Variants in OGN observed in about 807,000 individuals in gnomAD.
OGN encodes the protein osteoglycin.
In OGN, 19 loss-of-function variants were observed where a neutral mutation model predicts 30.8. That is an observed-to-expected ratio of 0.62 (90% CI 0.43 to 0.90). The LOEUF (loss-of-function observed/expected upper bound fraction) is 0.90, where lower values mean the gene tolerates loss of function less well. Among genes scored for constraint, OGN ranks in the 40% least tolerant of loss-of-function variants. OGN has a pLI of 0.00. For synonymous variants in OGN, 126 were observed against 128.3 expected (o/e 0.98, Z 0.12); for missense variants, 283 against 349.7 (o/e 0.81, Z 1.52).
chr9:92,391,825 A>G (rs776512645), intron 4 of OGN, among the ~76,000 whole-genome samples: 7 of 152,206 alleles, frequency 4.6e-5, no homozygotes, highest in Non-Finnish European at 8.8e-5. Context: ...GAGAAAGCCC[A>G]TGAAAGCACA....
chr9:92,394,903 G>A lies in OGN; in HGVS notation c.269-1659C>T, dbSNP rs530289174. Among the ~76,000 whole-genome samples, 14 of 151,926 alleles carry A rather than the reference G, an allele frequency of 9.2e-5. No individual in the cohort carries two copies. In the South Asian group the frequency reaches 1.2e-3, roughly 14 times the overall value. The stretch of plus-strand genomic sequence containing the variant: ...ATTACAGGTGTGAGCCACCACGCCC[G>A]GCCTATTTTTTGAAATTTTAATTGA... On this transcript the variant is annotated intron_variant, in intron 3 of 6. Coordinates refer to ENST00000375561, the MANE Select transcript of OGN (RefSeq NM_014057.5).
At position 92,404,476 on chromosome 9, in the gene OGN, T is replaced by C. The variant is rs773731872; in HGVS notation, c.-76+20A>G. On this transcript the variant is annotated intron_variant, in intron 1 of 6. Transcript: ENST00000375561. The stretch of plus-strand genomic sequence containing the variant: ...CTTTAACAAACAATATTTAAAATAA[T>C]ATATGAAAAGTAAGCCTACCGTTGT... The C allele has an allele frequency of 2.7e-5, 34 of 1,253,490 alleles. No homozygotes were observed. The highest frequency in any genetic ancestry group is 2.8e-5 in the Non-Finnish European group (27 of 965,676). The allele number at this position is 1,253,490 out of a possible 1,614,324, so 77.6% of individuals were successfully genotyped here.
chr9:92,400,691 A>T (rs1843076556), intron 3 of OGN, among the ~76,000 whole-genome samples: 1 of 152,218 alleles, frequency 6.6e-6, no homozygotes, highest in Admixed American at 6.5e-5. Context: ...ATTTTAATTG[A>T]AATGTATGTG....
At chr9:92,387,520 A>G (rs1037801171) in intron 5 of OGN, among the ~76,000 whole-genome samples, 3 of 152,152 alleles carry the variant, frequency 2.0e-5, no homozygotes, top group East Asian at 1.9e-4. Context: ...GTATAATTGT[A>G]ATTTCCCCTG....
At chr9:92,395,122 A>G (rs988059461) in intron 3 of OGN, among the ~76,000 whole-genome samples, 13 of 152,106 alleles carry the variant, frequency 8.5e-5, no homozygotes, top group Non-Finnish European at 1.3e-4. Flanking sequence ...CACCCCCATG[A>G]AACGTTCACT....
Position 92,394,425 on chromosome 9 carries a change from G to A in OGN, c.269-1181C>T, listed in dbSNP as rs901003912. Among the ~76,000 whole-genome samples the A allele has an allele frequency of 6.5e-3, 706 of 109,420 alleles. 4 individuals carry two copies. Among genetic ancestry groups the A allele is most frequent in the African/African-American group, 0.02 (616 of 30,646 alleles). The allele number at this position is 109,420 out of a possible 152,430, so 71.8% of individuals were successfully genotyped here. A position where few individuals can be genotyped will look rare whatever the true frequency, so the allele number is the denominator to read the frequency against. ...ACATGGCTATTTTTTTTTTTTTTTT[G>A]AATTTTTAGTATAGACAAGGTTTCA... On this transcript the variant is annotated intron_variant, in intron 3 of 6. Transcript: ENST00000375561.
At chr9:92,388,336 ATTT>A (rs1401203282) in intron 5 of OGN, among the ~76,000 whole-genome samples, 2 of 149,588 alleles carry the variant, frequency 1.3e-5, no homozygotes, top group Non-Finnish European at 3.0e-5. Context: ...TAATTTTTGT[ATTT>A]TTAGTGGAGA....
chr9:92,386,407 A>G (rs757955874), intron 5 of OGN, 111 bp from the exon 6 acceptor site: 11 of 659,728 alleles, frequency 1.7e-5, no homozygotes, highest in Non-Finnish European at 3.0e-5. Flanking sequence ...AGACTTGCAT[A>G]TTGATATGAA....
chr9:92,387,493 C>G (rs746328183), intron 5 of OGN, among the ~76,000 whole-genome samples: 1 of 152,084 alleles, frequency 6.6e-6, no homozygotes, highest in Non-Finnish European at 1.5e-5. Flanking sequence ...TCTTCATGAT[C>G]AGTAACCCAT....
chr9:92,395,487 G>A (rs1467890642), intron 3 of OGN, among the ~76,000 whole-genome samples: 8 of 152,182 alleles, frequency 5.3e-5, no homozygotes, highest in African/African-American at 1.7e-4. Context: ...GTGTAAGTTT[G>A]TGTGGACTTA....
Position 92,384,735 on chromosome 9 carries a change from C to T in OGN, c.*885G>A, listed in dbSNP as rs1432849869. On this transcript the variant is annotated 3_prime_UTR_variant, in exon 7 of 7. Coordinates refer to ENST00000375561, the MANE Select transcript of OGN (RefSeq NM_014057.5). ...GCACCACAGAATATTCTGTTTTCATCTTATGCTTGAACTAATTTATTGATG... is the reference window on the plus strand; with the variant it reads ...GCACCACAGAATATTCTGTTTTCATTTTATGCTTGAACTAATTTATTGATG... 6.6e-6 allele frequency: 1 copy of T among 151,860 alleles called. No individual in the cohort carries two copies. The highest frequency in any genetic ancestry group is 1.5e-5 in the Non-Finnish European group (1 of 67,954). The allele number at this position is 151,860 out of a possible 1,614,324, so 9.4% of individuals were successfully genotyped here.
chr9:92,383,829 T>C lies in OGN; in HGVS notation c.*1791A>G, dbSNP rs1033758721. On this transcript the variant is annotated 3_prime_UTR_variant, in exon 7 of 7. Coordinates refer to ENST00000375561, the MANE Select transcript of OGN (RefSeq NM_014057.5). The stretch of plus-strand genomic sequence containing the variant: ...GAATTTTTTCTTAATTTGAGAGTTA[T>C]TTGATGGTGTTTTGCTCCATAAGTT... 7 of 152,268 alleles carry C rather than the reference T, an allele frequency of 4.6e-5. No homozygotes were observed. The highest frequency in any genetic ancestry group is 1.7e-4 in the African/African-American group (7 of 41,576). 9.4% of individuals were successfully genotyped at this position (152,268 alleles called of 1,614,324 possible). A position where few individuals can be genotyped will look rare whatever the true frequency, so the allele number is the denominator to read the frequency against.
chr9:92,385,892 C>G, intron 6 of OGN, 102 bp from the exon 7 acceptor site: 1 of 1,034,928 alleles, frequency 9.7e-7, no homozygotes, highest in Non-Finnish European at 1.5e-6. Context: ...TGAGTGCCCC[C>G]TCACTTCAAA....
At chr9:92,391,525 G>T (rs1055615290) in intron 4 of OGN, among the ~76,000 whole-genome samples, 1 of 152,168 alleles carries the variant, frequency 6.6e-6, no homozygotes, top group East Asian at 1.9e-4. Context: ...CTTGAACCCA[G>T]GAGGCAGAGG....
At chr9:92,391,500 G>A (rs970929055) in intron 4 of OGN, among the ~76,000 whole-genome samples, 1 of 152,162 alleles carries the variant, frequency 6.6e-6, no homozygotes, top group South Asian at 2.1e-4. Flanking sequence ...TTGCGAGACT[G>A]AGGGACAAGA....
At position 92,385,095 on chromosome 9, in the gene OGN, T is replaced by G. The variant is rs1231894415; in HGVS notation, c.*525A>C. ...TATTTCTCAGACTAAGTGAAAAATT[T>G]AATAAAATAGCTGCCTTGATAGGAG... On this transcript the variant is annotated 3_prime_UTR_variant, in exon 7 of 7. Transcript: ENST00000375561. 3 of 152,650 alleles carry G rather than the reference T, an allele frequency of 2.0e-5. 1 individual carries two copies. In the East Asian group the frequency reaches 5.8e-4, roughly 29 times the overall value. 9.5% of individuals were successfully genotyped at this position (152,650 alleles called of 1,614,324 possible).
Position 92,385,895 on chromosome 9 carries a change from A to G in OGN, c.727-105T>C, listed in dbSNP as rs375126745. The G allele has an allele frequency of 4.0e-6, 4 of 994,326 alleles. No individual in the cohort carries two copies. The African/African-American group carries it at 6.5e-5, about 16-fold the overall frequency. The allele number at this position is 994,326 out of a possible 1,614,324, so 61.6% of individuals were successfully genotyped here. On this transcript the variant is annotated intron_variant, in intron 6 of 6. Transcript: ENST00000375561. The stretch of plus-strand genomic sequence containing the variant: ...AAGTCAGAGGTCTGAGTGCCCCCTC[A>G]CTTCAAATCCTTGTGTCAAATTAAT...
Position 92,393,180 on chromosome 9 carries a change from A to G in OGN, c.333T>C (p.Ile111=). ...SGSVYCEEVD[I]DAVPPLPKES... is the part of the protein sequence containing the mutation. ...CCTTTGGTAAGGGTGGTACAGCATC[A>G]ATGTCAACTTCTTCACAGTATACAG... Residue 111 remains isoleucine (I), a synonymous_variant, in exon 4 of 7, where the codon ATT becomes ATC. Transcript: ENST00000375561. 1 of 1,613,888 alleles carries G rather than the reference A, an allele frequency of 6.2e-7. No individual in the cohort carries two copies. The highest frequency in any genetic ancestry group is 8.5e-7 in the Non-Finnish European group (1 of 1,179,834).
At position 92,401,415 on chromosome 9, in the gene OGN, T is replaced by C. The variant is rs185056486; in HGVS notation, c.175-230A>G. On this transcript the variant is annotated intron_variant, in intron 2 of 6. Coordinates refer to ENST00000375561, the MANE Select transcript of OGN (RefSeq NM_014057.5). ...CCTTGAGTAAAAGAACTGGGTGTTT[T>C]TATTTTTATATCGCCAGTAGCTACA... Among the ~76,000 whole-genome samples the C allele has an allele frequency of 7.2e-5, 11 of 152,358 alleles. No homozygotes were observed. The East Asian group carries it at 1.9e-3, about 27-fold the overall frequency.
Sources: gnomAD v4.1 joint callset for allele counts (sites outside exome capture counted in the v4.1 genomes callset) on GRCh38, gnomAD v4.1.1 for gene constraint, MANE v1.5 for transcripts, NCBI Gene and HGNC (gene_info 2026-07-23, HGNC 2026-07-21) for gene names.